The following OOSP2 variants were observed in gnomAD, a reference collection of about 807,000 sequenced individuals.
OOSP2 encodes the protein oocyte secreted protein 2.
A neutral mutation model predicts 13.4 loss-of-function variants in OOSP2; 7 were observed. That is an observed-to-expected ratio of 0.52 (90% confidence interval 0.30 to 0.98). OOSP2 has a LOEUF of 0.98. OOSP2 is among the 50% of genes least tolerant of loss of function. The probability of loss-of-function intolerance (pLI) is 0.07; values close to 1 mark genes in which losing one functional copy is unlikely to be tolerated. For synonymous variants in OOSP2, 75 were observed against 67.2 expected, an observed-to-expected ratio of 1.12 and a Z score of -0.57; for missense variants, 184 against 188.5, an observed-to-expected ratio of 0.98 and a Z score of 0.14.
At chr11:60,043,415 C>A in intron 1 of OOSP2, 54 bp from the exon 2 acceptor site, 2 of 1,192,220 alleles carry the variant, frequency 1.7e-6, no homozygotes, top group Non-Finnish European at 2.4e-6. Context: ...ATTCTTTGAA[C>A]ACTTTCTTAA....
chr11:60,041,850 C>CAAAAAAAAAAAAAAAAAAAAAAAAAAAAA (rs571172974), intron 1 of OOSP2, among the ~76,000 whole-genome samples: 2 of 36,418 alleles, frequency 5.5e-5, no homozygotes, highest in African/African-American at 2.3e-4. Flanking sequence ...GACTCTGTCT[C>CAAAAAAAAAAAAAAAAAAAAAAAAAAAAA]AAAAAAAAAA....
chr11:60,047,133 A>AT lies in OOSP2; in HGVS notation c.*66dup, dbSNP rs1855019293. On this transcript the variant is annotated 3_prime_UTR_variant, in exon 4 of 4. Transcript: ENST00000278855. ...ATGTATTTTGCAGGAAAACAGTTTC[A>AT]TTTTTTCATAGCAAAAATATAGTTG... 12 of 1,411,192 alleles carry AT rather than the reference A, an allele frequency of 8.5e-6. No individual in the cohort carries two copies. The South Asian group carries it at 1.3e-4, about 15-fold the overall frequency. 87.4% of individuals were successfully genotyped at this position (1,411,192 alleles called of 1,614,324 possible). A position where few individuals can be genotyped will look rare whatever the true frequency, so the allele number is the denominator to read the frequency against.
At position 60,046,933 on chromosome 11, in the gene OOSP2, C is replaced by G. The variant is rs1480654954; in HGVS notation, c.348-11C>G. On this transcript the variant is annotated splice_polypyrimidine_tract_variant and intron_variant, in intron 3 of 3. Coordinates refer to ENST00000278855, the MANE Select transcript of OOSP2 (RefSeq NM_173801.5). ...CCAACACTATCTGCTTTCTGTTTCC[C>G]TTTTCTTTAGGAAATCAGTGTGGCT... 1 of 1,607,486 alleles carries G rather than the reference C, an allele frequency of 6.2e-7. No homozygotes were observed. The highest frequency in any genetic ancestry group is 8.5e-7 in the Non-Finnish European group (1 of 1,175,980).
chr11:60,041,530 C>G (rs1463746659), intron 1 of OOSP2, among the ~76,000 whole-genome samples: 2 of 152,032 alleles, frequency 1.3e-5, no homozygotes, highest in African/African-American at 4.8e-5. Context: ...CTTTTCTCAG[C>G]TATTTGATAG....
intron 2 of OOSP2, 80 bp downstream of exon 2, chr11:60,043,727 A>G (rs1854971098): frequency 2.6e-6 from 2 of 774,986 alleles, no homozygotes; most frequent in African/African-American, 3.5e-5. Context: ...GTCTTTTAAA[A>G]AAATAATGTT....
intron 3 of OOSP2, among the ~76,000 whole-genome samples, chr11:60,046,193 G>GTCTC (rs908264276): frequency 2.8e-5 from 4 of 143,720 alleles, no homozygotes; most frequent in South Asian, 2.2e-4. Flanking sequence ...CGGTTTCTCT[G>GTCTC]TCTCTCTCTC....
At chr11:60,041,375 A>T (rs749590607) in intron 1 of OOSP2, among the ~76,000 whole-genome samples, 7 of 152,206 alleles carry the variant, frequency 4.6e-5, no homozygotes, top group Non-Finnish European at 7.3e-5. Context: ...TTAATTATTG[A>T]AATGAACAGC....
Position 60,047,378 on chromosome 11 carries a change from C to T in OOSP2, c.*305C>T, listed in dbSNP as rs186737819. ...ATGTCTTCAAAGACAATGACTTGAT[C>T]TAATTGATAAGAACCTCCAATAAAT... On this transcript the variant is annotated 3_prime_UTR_variant, in exon 4 of 4. Coordinates refer to ENST00000278855, the MANE Select transcript of OOSP2 (RefSeq NM_173801.5). 249 of 181,044 alleles carry T rather than the reference C, an allele frequency of 1.4e-3. 3 individuals are homozygous for T. Among genetic ancestry groups the T allele is most frequent in the Non-Finnish European group, 2.4e-3 (213 of 87,654 alleles). 11.2% of individuals were successfully genotyped at this position (181,044 alleles called of 1,614,324 possible). A position where few individuals can be genotyped will look rare whatever the true frequency, so the allele number is the denominator to read the frequency against.
At chr11:60,040,562 TTAATCA>T (rs750659558) in intron 1 of OOSP2, 39 bp downstream of exon 1, 3 of 1,089,366 alleles carry the variant, frequency 2.8e-6, no homozygotes, top group Admixed American at 3.4e-5. Context: ...CTCGAAGGAG[TTAATCA>T]TAATGATCGC....
In OOSP2 at chr11:60,043,551, T is replaced by A. The variant is rs376147114; in HGVS notation, c.147T>A (p.Asp49Glu). The change falls in exon 2 of 4, where the codon GAT becomes GAA. Residue 49 changes from aspartate (D) to glutamate (E), a missense_variant. Asp to Glu is a conservative substitution (Grantham distance 45, BLOSUM62 2). Transcript: ENST00000278855. ...GCAGAAATCTGTATATATTTGCGGATGAATTACATCTGGGAATGGGCTGCC... is the reference window on the plus strand; with the variant it reads ...GCAGAAATCTGTATATATTTGCGGAAGAATTACATCTGGGAATGGGCTGCC... ...AESRNLYIFADELHLGMGCPA... is the reference protein window; with the variant it reads ...AESRNLYIFAEELHLGMGCPA... The A allele has an allele frequency of 7.4e-6, 12 of 1,610,870 alleles. No individual in the cohort carries two copies. The highest frequency in any genetic ancestry group is 4.0e-5 in the African/African-American group (3 of 74,848).
intron 1 of OOSP2, among the ~76,000 whole-genome samples, chr11:60,041,039 G>C (rs911755957): frequency 3.3e-5 from 5 of 152,200 alleles, no homozygotes; most frequent in African/African-American, 1.2e-4. Flanking sequence ...TCAGCGCGTT[G>C]CTGTCTACAA....
chr11:60,041,587 C>G (rs1008521737), intron 1 of OOSP2, among the ~76,000 whole-genome samples: 5 of 152,128 alleles, frequency 3.3e-5, no homozygotes, highest in African/African-American at 1.2e-4. Flanking sequence ...GTGGCTGATA[C>G]CTGTAATCCC....
intron 1 of OOSP2, among the ~76,000 whole-genome samples, chr11:60,041,587 C>T (rs1008521737): frequency 6.6e-6 from 1 of 152,128 alleles, no homozygotes. Context: ...GTGGCTGATA[C>T]CTGTAATCCC....
At chr11:60,044,849 T>C (rs1854989085) in intron 3 of OOSP2, 75 bp downstream of exon 3, 1 of 678,948 alleles carries the variant, frequency 1.5e-6, no homozygotes, top group East Asian at 2.6e-5. Context: ...TGCAGAAGCA[T>C]AGACTTTAGA....
intron 2 of OOSP2, 53 bp downstream of exon 2, chr11:60,043,700 T>C: frequency 1.0e-6 from 1 of 995,622 alleles, no homozygotes; most frequent in South Asian, 1.6e-5. Context: ...CAGACTTTTA[T>C]GCCTAGTATT....
At chr11:60,044,638 A>G (rs1854985765) in intron 2 of OOSP2, 33 bp from the exon 3 acceptor site, 1 of 973,370 alleles carries the variant, frequency 1.0e-6, no homozygotes, top group African/African-American at 1.6e-5. Context: ...TGTTACTCCA[A>G]ATATCTTCCA....
At chr11:60,041,688 T>C (rs1565054029) in intron 1 of OOSP2, among the ~76,000 whole-genome samples, 1 of 151,428 alleles carries the variant, frequency 6.6e-6, no homozygotes, top group East Asian at 1.9e-4. Flanking sequence ...TCGTCTCTAC[T>C]AAAAATACAA....
intron 3 of OOSP2, among the ~76,000 whole-genome samples, chr11:60,045,251 G>A (rs932295031): frequency 3.3e-5 from 5 of 152,076 alleles, no homozygotes; most frequent in Admixed American, 1.3e-4. Context: ...ATGAAGGGAG[G>A]GCTTATCAGC....
At chr11:60,042,677 T>C (rs902605369) in intron 1 of OOSP2, among the ~76,000 whole-genome samples, 2 of 152,192 alleles carry the variant, frequency 1.3e-5, no homozygotes, top group African/African-American at 4.8e-5. Flanking sequence ...TTTTTCCTTT[T>C]ATGGCTGAGA....
Sources: allele counts gnomAD v4.1 joint callset (sites outside exome capture counted in the v4.1 genomes callset), GRCh38; gene constraint gnomAD v4.1.1; transcripts MANE v1.5; gene names NCBI Gene and HGNC (gene_info 2026-07-23, HGNC 2026-07-21).